The following POU2F1 variants were observed in gnomAD, a reference collection of about 807,000 sequenced individuals.
POU2F1 encodes POU domain, class 2, transcription factor 1.
Under a neutral mutation model 84.9 loss-of-function variants are expected in POU2F1, and 16 were observed. The observed-to-expected ratio is 0.19, with a 90% confidence interval of 0.13 to 0.29. The LOEUF is 0.29. POU2F1 is among the 10% of genes least tolerant of loss of function. POU2F1 has a pLI of 1.00. For synonymous variants in POU2F1, 368 were observed against 368.3 expected (o/e 1.00, Z 0.01); for missense variants, 738 against 942.6 (o/e 0.78, Z 2.84).
chr1:167,400,763 A>C (rs1272587009), intron 12 of POU2F1, among the ~76,000 whole-genome samples: 2 of 152,172 alleles, frequency 1.3e-5, no homozygotes, highest in Non-Finnish European at 2.9e-5. Context: ...GTTCTTTTTA[A>C]ATTTGGTTTT....
chr1:167,224,790 CT>C (rs1230200895), intron 1 of POU2F1, among the ~76,000 whole-genome samples: 1 of 151,002 alleles, frequency 6.6e-6, no homozygotes, highest in Non-Finnish European at 1.5e-5. Context: ...AAGTAGTTTC[CT>C]GCGTATTTCT....
intron 1 of POU2F1, among the ~76,000 whole-genome samples, chr1:167,284,314 T>C (rs983366731): frequency 6.6e-6 from 1 of 152,168 alleles, no homozygotes; most frequent in African/African-American, 2.4e-5. Flanking sequence ...TATTTAAAAA[T>C]CACAAAGGTT....
chr1:167,416,053 G>A lies in POU2F1; in HGVS notation c.*243G>A. ...AATAAAACACTGTCTTTTCAGGATT[G>A]CTTCATGGATTGGAGAACTTTCTAA... On this transcript the variant is annotated 3_prime_UTR_variant, in exon 16 of 16. Coordinates refer to ENST00000367866, the MANE Select transcript of POU2F1 (RefSeq NM_002697.4). 1 of 575,588 alleles carries A rather than the reference G, an allele frequency of 1.7e-6. No homozygotes were observed. The highest frequency in any genetic ancestry group is 3.1e-6 in the Non-Finnish European group (1 of 319,060). The allele number at this position is 575,588 out of a possible 1,614,324, so 35.7% of individuals were successfully genotyped here.
intron 1 of POU2F1, among the ~76,000 whole-genome samples, chr1:167,295,085 G>A (rs1201764781): frequency 6.6e-6 from 1 of 151,552 alleles, no homozygotes; most frequent in Admixed American, 6.6e-5. Flanking sequence ...TCACGCCACT[G>A]CACTCCAGCC....
At chr1:167,390,705 G>T (rs918442872) in intron 9 of POU2F1, among the ~76,000 whole-genome samples, 6 of 152,186 alleles carry the variant, frequency 3.9e-5, no homozygotes, top group African/African-American at 1.4e-4. Context: ...TGGGAGGATT[G>T]CTTGAGCCCG....
intron 1 of POU2F1, among the ~76,000 whole-genome samples, chr1:167,308,710 G>A (rs1571271353): frequency 6.6e-6 from 1 of 151,956 alleles, no homozygotes; most frequent in South Asian, 2.1e-4. Context: ...GTAGAGACAG[G>A]ATCTCACTAT....
intron 1 of POU2F1, among the ~76,000 whole-genome samples, chr1:167,292,919 A>G (rs1654025383): frequency 6.6e-6 from 1 of 152,224 alleles, no homozygotes; most frequent in Non-Finnish European, 1.5e-5. Flanking sequence ...CGACCGTCTC[A>G]ATAGACAAAG....
intron 1 of POU2F1, among the ~76,000 whole-genome samples, chr1:167,229,771 G>A (rs566949789): frequency 6.6e-6 from 1 of 152,186 alleles, no homozygotes; most frequent in Non-Finnish European, 1.5e-5. Context: ...TGGGGCACCT[G>A]ACTGTAGGTT....
At position 167,353,378 on chromosome 1, in the gene POU2F1, A is replaced by G. The variant is rs532839184; in HGVS notation, c.128-12089A>G. On this transcript the variant is annotated intron_variant, in intron 2 of 15. Transcript: ENST00000367866. ...TTTTTTTTTTTGCATCTGACAAAGAAATATCTCTCTTTACCCCCACCGCCT... is the reference window on the plus strand; with the variant it reads ...TTTTTTTTTTTGCATCTGACAAAGAGATATCTCTCTTTACCCCCACCGCCT... Among the ~76,000 whole-genome samples the G allele has an allele frequency of 5.9e-5, 9 of 151,282 alleles. No individual in the cohort carries two copies. The South Asian group carries it at 1.9e-3, about 32-fold the overall frequency.
intron 1 of POU2F1, among the ~76,000 whole-genome samples, chr1:167,261,254 G>C (rs1651548212): frequency 6.6e-6 from 1 of 152,004 alleles, no homozygotes; most frequent in Non-Finnish European, 1.5e-5. Context: ...TTTTTTAAAT[G>C]GTCACCTTTG....
intron 2 of POU2F1, among the ~76,000 whole-genome samples, chr1:167,348,415 CT>C (rs889566827): frequency 1.2e-4 from 19 of 152,268 alleles, no homozygotes; most frequent in African/African-American, 4.3e-4. Context: ...TACCGCCAAA[CT>C]TTTTTCCATA....
At chr1:167,382,701 A>G (rs1647657069) in intron 7 of POU2F1, among the ~76,000 whole-genome samples, 1 of 152,206 alleles carries the variant, frequency 6.6e-6, no homozygotes, top group Non-Finnish European at 1.5e-5. Context: ...TATATGCTGA[A>G]TTTTATTTAA....
intron 1 of POU2F1, among the ~76,000 whole-genome samples, chr1:167,242,509 G>A (rs574838984): frequency 3.9e-5 from 6 of 152,184 alleles, no homozygotes; most frequent in Admixed American, 6.5e-5. Context: ...ACGCATTGAA[G>A]CACTAAGTGT....
At chr1:167,401,381 CTG>C in intron 12 of POU2F1, 68 bp from the exon 13 acceptor site, 2 of 1,066,088 alleles carry the variant, frequency 1.9e-6, no homozygotes, top group Non-Finnish European at 1.4e-6. Flanking sequence ...CAAAGAAAGA[CTG>C]TAAAATCATT....
intron 1 of POU2F1, among the ~76,000 whole-genome samples, chr1:167,323,247 A>G (rs1256373021): frequency 2.6e-5 from 4 of 152,368 alleles, no homozygotes; most frequent in Non-Finnish European, 5.9e-5. Flanking sequence ...ATCATGTAGG[A>G]TAGGCTAGAC....
intron 1 of POU2F1, among the ~76,000 whole-genome samples, chr1:167,261,928 G>A (rs1037994302): frequency 6.6e-6 from 1 of 152,054 alleles, no homozygotes; most frequent in South Asian, 2.1e-4. Flanking sequence ...CAAGTGATCC[G>A]CCTGCCTCAG....
intron 1 of POU2F1, among the ~76,000 whole-genome samples, chr1:167,231,452 A>G (rs112065177): frequency 3.9e-5 from 6 of 152,212 alleles, no homozygotes; most frequent in Non-Finnish European, 1.5e-5. Context: ...AACTTGAAAC[A>G]TCCTATTAGA....
intron 2 of POU2F1, among the ~76,000 whole-genome samples, chr1:167,364,311 A>G (rs1387864614): frequency 6.6e-6 from 1 of 151,770 alleles, no homozygotes; most frequent in African/African-American, 2.4e-5. Context: ...CGGGCGGATC[A>G]CGAGGTCAGG....
chr1:167,394,490 A>G (rs1648662752), intron 9 of POU2F1, among the ~76,000 whole-genome samples: 1 of 152,220 alleles, frequency 6.6e-6, no homozygotes, highest in African/African-American at 2.4e-5. Flanking sequence ...ATCAATAAAC[A>G]GTCTACTTCA....
Sources: allele counts gnomAD v4.1 joint callset (sites outside exome capture counted in the v4.1 genomes callset), GRCh38; gene constraint gnomAD v4.1.1; transcripts MANE v1.5; gene names NCBI Gene and HGNC (gene_info 2026-07-23, HGNC 2026-07-21).